ZGRF1: variants seen among roughly 807,000 people sequenced by gnomAD.
ZGRF1 encodes zinc finger GRF-type containing 1, also known as 5'-3' DNA helicase ZGRF1.
ZGRF1 carries 196 observed loss-of-function variants against 203.5 expected under a neutral mutation model. That is an observed-to-expected ratio of 0.96 (90% CI 0.86 to 1.08). The LOEUF (loss-of-function observed/expected upper bound fraction) is 1.08. Ranked by LOEUF, ZGRF1 falls within the 50% of genes least tolerant of loss-of-function variation. The pLI, the probability that ZGRF1 is intolerant of heterozygous loss-of-function variation, is 0.00. For synonymous variants in ZGRF1, 809 were observed against 841.3 expected, an observed-to-expected ratio of 0.96 and a Z score of 0.66; for missense variants, 2,326 against 2,416.3, an observed-to-expected ratio of 0.96 and a Z score of 0.78.
In ZGRF1 at chr4:112,609,604, G is replaced by A. The variant is rs183578956; in HGVS notation, c.2668-175C>T. 4.5e-4 allele frequency among the ~76,000 whole-genome samples: 68 copies of A among 150,748 alleles called. 2 individuals carry two copies. The East Asian group carries it at 0.012, about 26-fold the overall frequency. On this transcript the variant is annotated intron_variant, in intron 7 of 27. Transcript: ENST00000505019. ...GCGGATCACCTGAGGTAAGGAGTTCGAGACCACCCTGGCCAACATGGTGAA... is the reference window on the plus strand; with the variant it reads ...GCGGATCACCTGAGGTAAGGAGTTCAAGACCACCCTGGCCAACATGGTGAA...
rs1413791886 is a variant in ZGRF1 at position 112,552,685 on chromosome 4, T to C, written c.5346+1150A>G. On this transcript the variant is annotated intron_variant, in intron 22 of 27. Coordinates refer to ENST00000505019, the MANE Select transcript of ZGRF1 (RefSeq NM_018392.5). ...TGAGGACTTCCAGAACCAAAACTTG[T>C]TATAGATTGGTTATTATTTTCAGTT... is the stretch of plus-strand genomic sequence containing the variant. 3.3e-5 allele frequency among the ~76,000 whole-genome samples: 5 copies of C among 152,228 alleles called. No homozygotes were observed. The South Asian group carries it at 8.3e-4, about 25-fold the overall frequency.
intron 10 of ZGRF1, among the ~76,000 whole-genome samples, chr4:112,592,277 T>C (rs1748313086): frequency 6.6e-6 from 1 of 152,022 alleles, no homozygotes; most frequent in Non-Finnish European, 1.5e-5. Flanking sequence ...TTTGTGCTTT[T>C]AGTAGAGACG....
rs1356973304 is a variant in ZGRF1, at chr4:112,580,131, C to T, written c.4438+1532G>A. ...CCTCAGAAATAATGCCGCATACCTA[C>T]AACTATCTGATCTTTGACAAACCTG... On this transcript the variant is annotated intron_variant, in intron 16 of 27. Coordinates refer to ENST00000505019, the MANE Select transcript of ZGRF1 (RefSeq NM_018392.5). Among the ~76,000 whole-genome samples, 3 of 122,590 alleles carry T rather than the reference C, an allele frequency of 2.4e-5. 1 individual carries two copies. The highest frequency in any genetic ancestry group is 8.5e-5 in the African/African-American group (3 of 35,358). 80.4% of individuals were successfully genotyped at this position (122,590 alleles called of 152,430 possible).
intron 20 of ZGRF1, 82 bp downstream of exon 20, chr4:112,558,068 G>A: frequency 9.0e-7 from 1 of 1,110,132 alleles, no homozygotes; most frequent in Non-Finnish European, 1.3e-6. Context: ...AAGAGTACAT[G>A]GACACTCAGG....
chr4:112,539,950 T>C lies in ZGRF1; in HGVS notation c.6085A>G (p.Arg2029Gly), dbSNP rs749249233. The change falls in exon 27 of 28, where the codon AGA becomes GGA. Residue 2029 changes from arginine (R) to glycine (G), a missense_variant. By Grantham distance (125) the Arg-to-Gly change is moderately radical. Transcript: ENST00000505019. The part of the protein sequence containing the change: ...SEKRMNVALT[R>G]GKRHLLIVGN... ...ACAATCAACAAATGCCTCTTTCCTC[T>C]AGTCAATGCAACATTCATTCTTTTT... is the stretch of plus-strand genomic sequence containing the variant. 23 of 1,613,768 alleles carry C rather than the reference T, an allele frequency of 1.4e-5. No individual in the cohort carries two copies. Among genetic ancestry groups the C allele is most frequent in the Admixed American group, 3.3e-5 (2 of 59,996 alleles).
intron 15 of ZGRF1, 128 bp downstream of exon 15, chr4:112,583,850 G>A (rs770510780): frequency 3.7e-5 from 21 of 567,642 alleles, no homozygotes; most frequent in Non-Finnish European, 5.9e-5. Context: ...TGCAGGTTTA[G>A]AAACTGAGGT....
At chr4:112,580,539 G>C (rs1746035958) in intron 16 of ZGRF1, among the ~76,000 whole-genome samples, 1 of 151,760 alleles carries the variant, frequency 6.6e-6, no homozygotes, top group Non-Finnish European at 1.5e-5. Flanking sequence ...CTGACAAAGG[G>C]CTAATATCTA....
At chr4:112,614,642 T>C (rs1022069302) in intron 6 of ZGRF1, among the ~76,000 whole-genome samples, 18 of 152,072 alleles carry the variant, frequency 1.2e-4, no homozygotes, top group Non-Finnish European at 1.0e-4. Flanking sequence ...CTGACCAACA[T>C]AGCGAAACCC....
intron 4 of ZGRF1, among the ~76,000 whole-genome samples, chr4:112,620,969 C>T (rs1294230390): frequency 6.6e-6 from 1 of 151,946 alleles, no homozygotes; most frequent in African/African-American, 2.4e-5. Flanking sequence ...GAGTTTGAGG[C>T]TGTAGTAAGC....
intron 16 of ZGRF1, among the ~76,000 whole-genome samples, chr4:112,569,404 T>C (rs570056806): frequency 6.6e-6 from 1 of 152,318 alleles, no homozygotes; most frequent in African/African-American, 2.4e-5. Context: ...ATGCTAATGA[T>C]ATAGATGATT....
rs184021261 is a variant in ZGRF1 at position 112,620,429 on chromosome 4, T to G, written c.163-239A>C. Among the ~76,000 whole-genome samples the G allele has an allele frequency of 1.5e-3, 228 of 152,340 alleles. 2 individuals carry two copies. The highest frequency in any genetic ancestry group is 4.8e-3 in the African/African-American group (199 of 41,576). The stretch of plus-strand genomic sequence containing the variant: ...GATTTGTTTATTCAACAACACATAT[T>G]AGAGCTAGGCGTGGTAGCTCACACC... On this transcript the variant is annotated intron_variant, in intron 4 of 27. Transcript: ENST00000505019.
chr4:112,612,617 C>T (rs369161141), intron 6 of ZGRF1, 29 bp from the exon 7 acceptor site: 120 of 1,407,748 alleles, frequency 8.5e-5, no homozygotes, highest in Non-Finnish European at 1.1e-4. Flanking sequence ...ATAATCATAT[C>T]ATTGTTATAT....
intron 6 of ZGRF1, among the ~76,000 whole-genome samples, chr4:112,616,792 G>C (rs542147029): frequency 6.6e-6 from 1 of 151,058 alleles, no homozygotes; most frequent in Admixed American, 6.6e-5. Context: ...AGCCGAGATC[G>C]CGCCACTGCA....
chr4:112,635,992 T>G (rs931314550), intron 1 of ZGRF1, among the ~76,000 whole-genome samples: 1 of 152,138 alleles, frequency 6.6e-6, no homozygotes, highest in East Asian at 1.9e-4. Flanking sequence ...TAACTGGATC[T>G]TTTAAAATTT....
chr4:112,635,922 A>G (rs2149231447), intron 1 of ZGRF1, among the ~76,000 whole-genome samples: 1 of 152,216 alleles, frequency 6.6e-6, no homozygotes, highest in East Asian at 1.9e-4. Context: ...AACTAAGAAG[A>G]CTGAAACTCT....
chr4:112,600,529 T>C (rs1578409411), intron 10 of ZGRF1, among the ~76,000 whole-genome samples: 1 of 151,936 alleles, frequency 6.6e-6, no homozygotes, highest in Admixed American at 6.6e-5. Flanking sequence ...CCGTCTCTAC[T>C]AGAAATACAA....
Position 112,618,280 on chromosome 4 carries a change from G to A in ZGRF1, c.1762C>T (p.His588Tyr). The A allele has an allele frequency of 6.2e-7, 1 of 1,613,836 alleles. No homozygotes were observed. The highest frequency in any genetic ancestry group is 2.2e-5 in the East Asian group (1 of 44,848). ...NTNCEEIEGE[H>Y]LPFLTSVSDK... Reference sequence around the variant, plus strand: ...CTAACAGATGTTAAGAATGGCAAATGTTCACCCTCAATCTCTTCACAGTTT... The same window carrying A: ...CTAACAGATGTTAAGAATGGCAAATATTCACCCTCAATCTCTTCACAGTTT... Residue 588 changes from histidine to tyrosine, a missense_variant, in exon 6 of 28, where the codon CAT (histidine) becomes TAT (tyrosine). By Grantham distance (83) the His-to-Tyr change is moderately conservative. Coordinates refer to ENST00000505019, the MANE Select transcript of ZGRF1 (RefSeq NM_018392.5).
intron 5 of ZGRF1, 69 bp from the exon 6 acceptor site, chr4:112,619,759 G>GA (rs1056988316): frequency 1.7e-3 from 2,070 of 1,192,532 alleles, no homozygotes; most frequent in Non-Finnish European, 2.0e-3. Flanking sequence ...AACTGGCTAA[G>GA]AAAAAAAAAG....
chr4:112,606,127 A>G, intron 8 of ZGRF1, 36 bp from the exon 9 acceptor site: 1 of 1,279,000 alleles, frequency 7.8e-7, no homozygotes, highest in Non-Finnish European at 1.1e-6. Flanking sequence ...CTAGTTAGCT[A>G]GAATAGTTTC....
Sources: allele counts gnomAD v4.1 joint callset (sites outside exome capture counted in the v4.1 genomes callset), GRCh38; gene constraint gnomAD v4.1.1; transcripts MANE v1.5; gene names NCBI Gene and HGNC (gene_info 2026-07-23, HGNC 2026-07-21).